GPC5: variants seen among roughly 807,000 people sequenced by gnomAD.
The protein encoded by GPC5 is glypican 5.
A neutral mutation model predicts 53.9 loss-of-function variants in GPC5; 47 were observed. The observed-to-expected ratio is 0.87, with a 90% CI of 0.69 to 1.11. The LOEUF is 1.11. Ranked by LOEUF, GPC5 falls within the 50% of genes most tolerant of loss-of-function variation. The pLI is 0.00. For missense variants in GPC5, 748 were observed against 713.1 expected (o/e 1.05, Z -0.56); for synonymous variants, 286 against 263.3 (o/e 1.09, Z -0.84).
At chr13:92,369,051 C>G (rs551574961) in intron 7 of GPC5, among the ~76,000 whole-genome samples, 2 of 152,192 alleles carry the variant, frequency 1.3e-5, no homozygotes, top group Non-Finnish European at 1.5e-5. Context: ...AAAAGAAATT[C>G]GTTCACAATA....
intron 7 of GPC5, among the ~76,000 whole-genome samples, chr13:92,574,949 C>T (rs1045001569): frequency 6.6e-6 from 1 of 152,182 alleles, no homozygotes; most frequent in Non-Finnish European, 1.5e-5. Flanking sequence ...AGAGATAGAA[C>T]TATTCATCCA....
At chr13:92,167,709 T>C (rs1294559667) in intron 7 of GPC5, among the ~76,000 whole-genome samples, 1 of 152,098 alleles carries the variant, frequency 6.6e-6, no homozygotes, top group Non-Finnish European at 1.5e-5. Flanking sequence ...TGATAACCCA[T>C]AAACACAAAA....
chr13:91,586,536 ATATATATATATATATATATATATAT>A (rs1594294175), intron 2 of GPC5, among the ~76,000 whole-genome samples: 19 of 46,010 alleles, frequency 4.1e-4, no homozygotes, highest in East Asian at 1.5e-3. Flanking sequence ...ATATATATAT[ATATATATATATATATATATATATAT>A]GTAGAGAGAG....
chr13:92,768,508 A>T (rs1201189818), intron 7 of GPC5, among the ~76,000 whole-genome samples: 1 of 152,110 alleles, frequency 6.6e-6, no homozygotes, highest in Non-Finnish European at 1.5e-5. Context: ...AATTTTCTAC[A>T]TATAATGTTA....
chr13:92,482,422 C>A (rs1224695490), intron 7 of GPC5, among the ~76,000 whole-genome samples: 2 of 152,050 alleles, frequency 1.3e-5, no homozygotes, highest in African/African-American at 4.8e-5. Flanking sequence ...TTAACTTGTC[C>A]ATTCTCTGCT....
chr13:92,768,472 C>T (rs2138746115), intron 7 of GPC5, among the ~76,000 whole-genome samples: 1 of 152,198 alleles, frequency 6.6e-6, no homozygotes, highest in Admixed American at 6.5e-5. Flanking sequence ...TCGTTTTTAT[C>T]TAATTCATTT....
At chr13:92,474,481 T>A (rs1221908265) in intron 7 of GPC5, among the ~76,000 whole-genome samples, 1 of 152,060 alleles carries the variant, frequency 6.6e-6, no homozygotes, top group Non-Finnish European at 1.5e-5. Flanking sequence ...AATTATGACC[T>A]ACTGAGCAAG....
intron 7 of GPC5, among the ~76,000 whole-genome samples, chr13:92,646,954 GTGTGTGTGTGTGTA>G (rs1566340439): frequency 6.6e-6 from 1 of 150,658 alleles, no homozygotes; most frequent in Non-Finnish European, 1.5e-5. Flanking sequence ...GTGTGTGTGT[GTGTGTGTGTGTGTA>G]TATAAACCTG....
At chr13:91,410,799 A>T (rs570120185) in intron 1 of GPC5, among the ~76,000 whole-genome samples, 19 of 152,236 alleles carry the variant, frequency 1.2e-4, no homozygotes, top group Middle Eastern at 3.4e-3. Context: ...CATATGGTAA[A>T]ATCAAATTTG....
At chr13:91,660,774 A>G (rs2034969865) in intron 2 of GPC5, among the ~76,000 whole-genome samples, 1 of 152,202 alleles carries the variant, frequency 6.6e-6, no homozygotes, top group Non-Finnish European at 1.5e-5. Flanking sequence ...TCTCAGAAAT[A>G]CAAAATCTAA....
chr13:92,463,530 AT>A (rs1370445644), intron 7 of GPC5, among the ~76,000 whole-genome samples: 1 of 152,120 alleles, frequency 6.6e-6, no homozygotes, highest in Non-Finnish European at 1.5e-5. Context: ...GTTGCATGGA[AT>A]TTTATTTCTT....
intron 7 of GPC5, among the ~76,000 whole-genome samples, chr13:92,692,765 T>TTTTTTTTTTTTTA (rs1887447841): frequency 6.9e-6 from 1 of 144,950 alleles, no homozygotes; most frequent in Non-Finnish European, 1.5e-5. Flanking sequence ...TTTTTTTTTT[T>TTTTTTTTTTTTTA]TTTTTTTTTT....
chr13:92,257,324 T>A (rs2042733243), intron 7 of GPC5, among the ~76,000 whole-genome samples: 1 of 152,090 alleles, frequency 6.6e-6, no homozygotes, highest in African/African-American at 2.4e-5. Flanking sequence ...GGAGCTGTTT[T>A]GCTGTTTAAT....
intron 2 of GPC5, among the ~76,000 whole-genome samples, chr13:91,526,382 A>G (rs1346667227): frequency 6.6e-6 from 1 of 152,170 alleles, no homozygotes. Flanking sequence ...ACAAGAGGCA[A>G]TCATAGCCTT....
intron 7 of GPC5, among the ~76,000 whole-genome samples, chr13:92,707,805 A>T (rs1225935296): frequency 6.6e-6 from 1 of 152,108 alleles, no homozygotes; most frequent in African/African-American, 2.4e-5. Context: ...AAGATCTCAT[A>T]TAAGTTGCAA....
chr13:92,074,835 T>A (rs185153013), intron 6 of GPC5, among the ~76,000 whole-genome samples: 4 of 152,210 alleles, frequency 2.6e-5, no homozygotes, highest in Non-Finnish European at 5.9e-5. Context: ...ACCTGACTTC[T>A]TCAGCTTTGC....
At chr13:91,440,062 A>C (rs910722303) in intron 1 of GPC5, among the ~76,000 whole-genome samples, 3 of 152,154 alleles carry the variant, frequency 2.0e-5, no homozygotes, top group Admixed American at 6.5e-5. Context: ...GTTCTTAGAC[A>C]TGATTTTCTT....
At chr13:91,570,481 C>A (rs1168863365) in intron 2 of GPC5, among the ~76,000 whole-genome samples, 3 of 152,272 alleles carry the variant, frequency 2.0e-5, no homozygotes, top group South Asian at 2.1e-4. Flanking sequence ...TAGGGATACT[C>A]AACCTGTATT....
intron 5 of GPC5, among the ~76,000 whole-genome samples, chr13:91,852,895 C>T (rs151263414): frequency 1.3e-5 from 2 of 152,174 alleles, no homozygotes; most frequent in Non-Finnish European, 2.9e-5. Flanking sequence ...CAGATATTTT[C>T]GTTATGAAAT....
Sources: gnomAD v4.1 joint callset for allele counts (sites outside exome capture counted in the v4.1 genomes callset) on GRCh38, gnomAD v4.1.1 for gene constraint, MANE v1.5 for transcripts, NCBI Gene and HGNC (gene_info 2026-07-23, HGNC 2026-07-21) for gene names.